TMEM87A: variants seen among roughly 807,000 people sequenced by gnomAD.
TMEM87A encodes the protein transmembrane protein 87A.
Under a neutral mutation model 90.0 loss-of-function variants are expected in TMEM87A, and 50 were observed. The observed-to-expected ratio is 0.56, with a 90% CI of 0.44 to 0.70. The LOEUF (loss-of-function observed/expected upper bound fraction) is 0.70, where lower values mean the gene tolerates loss of function less well. TMEM87A is among the 30% of genes least tolerant of loss of function. The pLI is 0.00. For synonymous variants in TMEM87A, 226 were observed against 226.7 expected, an observed-to-expected ratio of 1.00 and a Z score of 0.03; for missense variants, 577 against 660.5, an observed-to-expected ratio of 0.87 and a Z score of 1.39.
chr15:42,228,587 A>G, intron 13 of TMEM87A, 125 bp downstream of exon 13: 1 of 721,496 alleles, frequency 1.4e-6, no homozygotes, highest in Non-Finnish European at 2.4e-6. Context: ...ATTTGACAAG[A>G]GCTAAGAACC....
chr15:42,261,707 C>T (rs969951178), intron 4 of TMEM87A, among the ~76,000 whole-genome samples: 3 of 150,760 alleles, frequency 2.0e-5, no homozygotes, highest in Non-Finnish European at 4.4e-5. Context: ...TATCTCGGCT[C>T]ACTGCAAGCT....
chr15:42,266,954 G>A (rs78185773), intron 3 of TMEM87A, among the ~76,000 whole-genome samples: 2 of 152,178 alleles, frequency 1.3e-5, no homozygotes, highest in Admixed American at 6.5e-5. Context: ...TTATTTGAGA[G>A]TTATTTCTCT....
intron 1 of TMEM87A, 35 bp downstream of exon 1, chr15:42,273,220 C>T: frequency 6.2e-7 from 1 of 1,612,724 alleles, no homozygotes. Context: ...CCCCTTGCTC[C>T]TCTAGGTTCA....
At chr15:42,263,619 GA>G (rs1484194059) in intron 4 of TMEM87A, among the ~76,000 whole-genome samples, 2 of 152,130 alleles carry the variant, frequency 1.3e-5, no homozygotes, top group Non-Finnish European at 1.5e-5. Context: ...GTAATGGTGT[GA>G]ATCTGTAGCC....
At chr15:42,243,056 G>A (rs1595728797) in intron 7 of TMEM87A, among the ~76,000 whole-genome samples, 2 of 152,122 alleles carry the variant, frequency 1.3e-5, no homozygotes, top group East Asian at 3.9e-4. Flanking sequence ...CACAAGGTCA[G>A]GAGATCGAAA....
At chr15:42,242,217 C>G (rs2050885279) in intron 7 of TMEM87A, among the ~76,000 whole-genome samples, 1 of 152,092 alleles carries the variant, frequency 6.6e-6, no homozygotes, top group Non-Finnish European at 1.5e-5. Context: ...GGGCCAGAAG[C>G]AGGCTATGGT....
intron 4 of TMEM87A, among the ~76,000 whole-genome samples, chr15:42,263,696 C>T (rs758162173): frequency 1.3e-5 from 2 of 152,012 alleles, no homozygotes; most frequent in East Asian, 1.9e-4. Context: ...TGCAGTGAGC[C>T]GAGATTGTGC....
intron 19 of TMEM87A, among the ~76,000 whole-genome samples, chr15:42,214,271 T>C (rs1044895864): frequency 1.3e-5 from 2 of 152,000 alleles, no homozygotes; most frequent in African/African-American, 2.4e-5. Flanking sequence ...CTAATCCTTC[T>C]TAAACGCTTT....
intron 6 of TMEM87A, among the ~76,000 whole-genome samples, chr15:42,260,308 A>G (rs2051263942): frequency 6.6e-6 from 1 of 152,224 alleles, no homozygotes; most frequent in Non-Finnish European, 1.5e-5. Flanking sequence ...CAAGACGTCA[A>G]GGCTGCAGGG....
In TMEM87A at chr15:42,244,170, A is replaced by G; in HGVS notation, c.505-3T>C. The G allele has an allele frequency of 1.3e-6, 2 of 1,534,238 alleles. No individual in the cohort carries two copies. The highest frequency in any genetic ancestry group is 1.7e-6 in the Non-Finnish European group (2 of 1,144,644). On this transcript the variant is annotated splice_polypyrimidine_tract_variant and splice_region_variant and intron_variant, in intron 6 of 19. Coordinates refer to ENST00000389834, the MANE Select transcript of TMEM87A (RefSeq NM_015497.5). ...GTTTGCAATGGTTCATGCATTGCCT[A>G]GAAAGGGAAAAGGGCATCACATCTA...
At chr15:42,269,330 G>A (rs1030628786) in intron 2 of TMEM87A, among the ~76,000 whole-genome samples, 2 of 152,014 alleles carry the variant, frequency 1.3e-5, no homozygotes, top group Admixed American at 6.6e-5. Context: ...AACAAAAGAA[G>A]CAACCTAATT....
At chr15:42,228,868 A>T (rs773390826) in intron 12 of TMEM87A, 48 bp from the exon 13 acceptor site, 24 of 1,390,860 alleles carry the variant, frequency 1.7e-5, no homozygotes, top group Non-Finnish European at 2.3e-5. Flanking sequence ...ACAGTAAGCT[A>T]GCCAATTAGT....
chr15:42,221,394 G>A (rs1402378832), intron 15 of TMEM87A, among the ~76,000 whole-genome samples: 4 of 151,992 alleles, frequency 2.6e-5, no homozygotes, highest in South Asian at 2.1e-4. Flanking sequence ...AGTTGCATTC[G>A]TAAGAGTCAC....
In TMEM87A at chr15:42,226,845, A is replaced by G. The variant is rs1347414471; in HGVS notation, c.1364T>C (p.Val455Ala). Residue 455 changes from valine (V) to alanine (A), a missense_variant, in exon 15 of 20, where the codon GTC becomes GCC. Physicochemically the swap from Val to Ala is moderately conservative, Grantham distance 64. Coordinates refer to ENST00000389834, the MANE Select transcript of TMEM87A (RefSeq NM_015497.5). ...AGATGGTCGCCAGAGAACCATGATG[A>G]CAAAGAGGATCATGGAGAACAGCAA... ...WRLLFSMILF[V>A]IMVLWRPSAN... 2 of 1,614,144 alleles carry G rather than the reference A, an allele frequency of 1.2e-6. No homozygotes were observed.
intron 6 of TMEM87A, among the ~76,000 whole-genome samples, chr15:42,253,257 C>T (rs1360615459): frequency 6.6e-6 from 1 of 152,132 alleles, no homozygotes; most frequent in African/African-American, 2.4e-5. Context: ...CTTTTCTGAT[C>T]GTATGTCCAG....
intron 4 of TMEM87A, among the ~76,000 whole-genome samples, chr15:42,261,569 C>T (rs1190721543): frequency 6.6e-6 from 1 of 151,378 alleles, no homozygotes; most frequent in African/African-American, 2.4e-5. Context: ...CCTCATTCTA[C>T]AGATGAGTAA....
chr15:42,273,124 G>T, intron 1 of TMEM87A, 131 bp downstream of exon 1: 2 of 1,188,556 alleles, frequency 1.7e-6, no homozygotes, highest in Non-Finnish European at 1.2e-6. Context: ...CAGTTGGCTA[G>T]CCACACAGAC....
At chr15:42,254,052 CTT>C (rs538282508) in intron 6 of TMEM87A, among the ~76,000 whole-genome samples, 2 of 147,292 alleles carry the variant, frequency 1.4e-5, no homozygotes, top group Non-Finnish European at 3.0e-5. Flanking sequence ...CTATTTTTTT[CTT>C]TTTTTTTTTC....
At chr15:42,233,816 G>A (rs1005665672) in intron 10 of TMEM87A, among the ~76,000 whole-genome samples, 4 of 151,714 alleles carry the variant, frequency 2.6e-5, no homozygotes, top group Non-Finnish European at 4.4e-5. Flanking sequence ...TCACTCTATC[G>A]CCCACGCTGA....
Sources: allele counts gnomAD v4.1 joint callset (sites outside exome capture counted in the v4.1 genomes callset), GRCh38; gene constraint gnomAD v4.1.1; transcripts MANE v1.5; gene names NCBI Gene and HGNC (gene_info 2026-07-23, HGNC 2026-07-21).